Variants in PPL observed in about 807,000 individuals in gnomAD.
The protein encoded by PPL is periplakin.
Under a neutral mutation model 194.4 loss-of-function variants are expected in PPL, and 198 were observed. The observed-to-expected ratio is 1.02, with a 90% CI of 0.91 to 1.15. PPL has a LOEUF of 1.15. Ranked by LOEUF, PPL falls within the 50% of genes most tolerant of loss-of-function variation. The pLI, the probability that PPL is intolerant of heterozygous loss-of-function variation, is 0.00. For missense variants in PPL, 2,885 were observed against 2,294.8 expected, an observed-to-expected ratio of 1.26 and a Z score of -5.25; for synonymous variants, 1,220 against 972.4, an observed-to-expected ratio of 1.25 and a Z score of -4.74.
chr16:4,918,415 G>A (rs1375533593), intron 1 of PPL, among the ~76,000 whole-genome samples: 1 of 152,084 alleles, frequency 6.6e-6, no homozygotes, highest in East Asian at 1.9e-4. Context: ...TAATCCCCCA[G>A]CAGCCTGGAA....
At position 4,892,123 on chromosome 16, in the gene PPL, C is replaced by T; in HGVS notation, c.1741G>A (p.Gly581Ser). ...EAFIQALPGS[G>S]TTPLLRTRVE... ...CGGGTCCTCAGCAGGGGTGTGGTGC[C>T]ACTGCCTGGGAGGGCCTGGATGAAG... The change falls in exon 15 of 22, where the codon GGC becomes AGC. Residue 581 changes from glycine (G) to serine (S), a missense_variant. Gly to Ser is a moderately conservative substitution (Grantham distance 56). Coordinates refer to ENST00000345988, the MANE Select transcript of PPL (RefSeq NM_002705.5). The T allele has an allele frequency of 6.2e-7, 1 of 1,613,518 alleles. No individual in the cohort carries two copies. Among genetic ancestry groups the T allele is most frequent in the Non-Finnish European group, 8.5e-7 (1 of 1,179,738 alleles).
chr16:4,929,876 T>C (rs990054930), intron 1 of PPL, among the ~76,000 whole-genome samples: 30 of 149,684 alleles, frequency 2.0e-4, no homozygotes, highest in Non-Finnish European at 1.9e-4. Flanking sequence ...TTGGTAGAAA[T>C]AGGGTCTCAC....
intron 1 of PPL, among the ~76,000 whole-genome samples, chr16:4,911,787 C>T (rs1228888557): frequency 6.6e-6 from 1 of 152,192 alleles, no homozygotes; most frequent in Non-Finnish European, 1.5e-5. Flanking sequence ...ATTCGTCCAC[C>T]TTGGACTCCC....
chr16:4,883,355 G>A lies in PPL; in HGVS notation c.*29C>T, dbSNP rs115259132. ...GCGTCGTAGGAGAGGGCCAGCGTCT[G>A]CCGTTACGAAGAGTTGCAAGAGCTG... On this transcript the variant is annotated 3_prime_UTR_variant, in exon 22 of 22. Coordinates refer to ENST00000345988, the MANE Select transcript of PPL (RefSeq NM_002705.5). This position sits in a 1 kb window ranked among gnomAD's most constrained non-coding sequence, Gnocchi z 4.8. The A allele has an allele frequency of 5.8e-5, 93 of 1,611,944 alleles. No homozygotes were observed. In the African/African-American group the frequency reaches 1.1e-3, roughly 19 times the overall value.
At chr16:4,916,270 TG>T (rs1468812045) in intron 1 of PPL, among the ~76,000 whole-genome samples, 3 of 152,108 alleles carry the variant, frequency 2.0e-5, no homozygotes, top group African/African-American at 7.2e-5. Context: ...TGGAGTGCAC[TG>T]GCATGATCTC....
Position 4,892,043 on chromosome 16 carries a change from G to A in PPL, c.1821C>T (p.Ala607=). 1 of 1,613,292 alleles carries A rather than the reference G, an allele frequency of 6.2e-7. No individual in the cohort carries two copies. Among genetic ancestry groups the A allele is most frequent in the Non-Finnish European group, 8.5e-7 (1 of 1,179,730 alleles). ...YEHLLQLLDL[A]QEKVDVANRL... Reference sequence around the variant, plus strand: ...GCCTGTCTGCCACCCACTTCTCCTGGGCCAAGTCCAGCAGCTGCAGGAGGT... The same window carrying A: ...GCCTGTCTGCCACCCACTTCTCCTGAGCCAAGTCCAGCAGCTGCAGGAGGT... Residue 607 remains alanine (A), a synonymous_variant, in exon 15 of 22, where the codon GCC becomes GCT. Coordinates refer to ENST00000345988, the MANE Select transcript of PPL (RefSeq NM_002705.5).
Position 4,891,891 on chromosome 16 carries a change from T to A in PPL, c.1888A>T (p.Thr630Ser), listed in dbSNP as rs763160683. 5 of 1,613,578 alleles carry A rather than the reference T, an allele frequency of 3.1e-6. No individual in the cohort carries two copies. Among genetic ancestry groups the A allele is most frequent in the Non-Finnish European group, 4.2e-6 (5 of 1,179,998 alleles). ...TCCTGATTCAGATGGTTCTCGTGTGTGGCCAGCAACTCCCAGCTCTGCTGC... is the reference window on the plus strand; with the variant it reads ...TCCTGATTCAGATGGTTCTCGTGTGAGGCCAGCAACTCCCAGCTCTGCTGC... ...SLQQSWELLA[T>S]HENHLNQDDT... Residue 630 changes from threonine (T) to serine (S), a missense_variant, in exon 16 of 22, where the codon ACA becomes TCA. Physicochemically the swap from Thr to Ser is moderately conservative, Grantham distance 58. Coordinates refer to ENST00000345988, the MANE Select transcript of PPL (RefSeq NM_002705.5).
At chr16:4,891,397 C>T (rs1372699345) in intron 16 of PPL, 2 of 167,122 alleles carry the variant, frequency 1.2e-5, no homozygotes, top group African/African-American at 4.8e-5. Flanking sequence ...CTCTGCTCAG[C>T]AAGAGATACT....
chr16:4,918,330 A>AG (rs1159962498), intron 1 of PPL, among the ~76,000 whole-genome samples: 2 of 150,442 alleles, frequency 1.3e-5, no homozygotes, highest in African/African-American at 4.9e-5. Flanking sequence ...TAGAAATGAC[A>AG]GGGGTTTGTT....
Position 4,886,002 on chromosome 16 carries a change from G to A in PPL, c.2653C>T (p.Pro885Ser), listed in dbSNP as rs752908859. The A allele has an allele frequency of 9.3e-6, 15 of 1,613,890 alleles. No homozygotes were observed. Among genetic ancestry groups the A allele is most frequent in the Non-Finnish European group, 1.1e-5 (13 of 1,180,038 alleles). Residue 885 changes from proline (P) to serine (S), a missense_variant, in exon 22 of 22, where the codon CCG becomes TCG. By Grantham distance (74) the Pro-to-Ser change is moderately conservative (BLOSUM62 -1). Transcript: ENST00000345988. ...CACGCCTCCTCCACTCCAGAGTCCG[G>A]CCTATTCCTTTGCAGGGTCTCATGG... ...VTHETLQRNR[P>S]DSGVEEAWKI...
chr16:4,888,015 G>A, intron 20 of PPL, 87 bp downstream of exon 20: 1 of 930,922 alleles, frequency 1.1e-6, no homozygotes, highest in Admixed American at 1.8e-5. Context: ...GCATCTCTGA[G>A]GCCAGCGTGT....
chr16:4,897,787 G>A lies in PPL; in HGVS notation c.877-17C>T. The A allele has an allele frequency of 1.2e-6, 2 of 1,608,814 alleles. No homozygotes were observed. The highest frequency in any genetic ancestry group is 1.1e-5 in the South Asian group (1 of 90,806). On this transcript the variant is annotated splice_polypyrimidine_tract_variant and intron_variant, in intron 8 of 21. Coordinates refer to ENST00000345988, the MANE Select transcript of PPL (RefSeq NM_002705.5). ...CATGTGCGCCTGCCAGGAAGAGAAG[G>A]GGCCGGTCACCACTGGGCAGGTACT...
intron 9 of PPL, among the ~76,000 whole-genome samples, chr16:4,897,332 C>CAAA (rs57191109): frequency 1.5e-3 from 79 of 53,324 alleles, no homozygotes; most frequent in East Asian, 5.7e-3. Flanking sequence ...AAGACTCTCT[C>CAAA]AAAAAAAAAA....
intron 1 of PPL, among the ~76,000 whole-genome samples, chr16:4,918,440 C>G (rs970513986): frequency 6.6e-6 from 1 of 152,158 alleles, no homozygotes; most frequent in African/African-American, 2.4e-5. Flanking sequence ...CTAGTTAACT[C>G]CTAGAGAGCT....
At chr16:4,906,513 C>A (rs2088686741) in intron 2 of PPL, among the ~76,000 whole-genome samples, 1 of 152,230 alleles carries the variant, frequency 6.6e-6, no homozygotes, top group Non-Finnish European at 1.5e-5. Flanking sequence ...GCGTGAGCCA[C>A]CGCGCCCGGC....
At chr16:4,890,592 G>C (rs2088300456) in intron 17 of PPL, 136 bp downstream of exon 17, 1 of 1,139,216 alleles carries the variant, frequency 8.8e-7, no homozygotes, top group Middle Eastern at 2.1e-4. Context: ...AGAGACCACA[G>C]GGCCGTCAGA....
At chr16:4,912,868 C>T (rs372194048) in intron 1 of PPL, among the ~76,000 whole-genome samples, 2 of 152,162 alleles carry the variant, frequency 1.3e-5, no homozygotes, top group East Asian at 1.9e-4. Context: ...CTTTGGGAGG[C>T]CAAGGCGGGC....
chr16:4,884,519 A>G lies in PPL; in HGVS notation c.4136T>C (p.Leu1379Pro). The G allele has an allele frequency of 6.2e-7, 1 of 1,610,714 alleles. No homozygotes were observed. Among genetic ancestry groups the G allele is most frequent in the Non-Finnish European group, 8.5e-7 (1 of 1,179,382 alleles). The change falls in exon 22 of 22, where the codon CTG (leucine) becomes CCG (proline). Residue 1379 changes from leucine to proline, a missense_variant. Transcript: ENST00000345988. The surrounding 1 kb of genome is among the most constrained non-coding windows in gnomAD (Gnocchi z 5.7). ...TGCCCGCAGCTTGTCAATCTGCCGC[A>G]GCTCCACATCGATGCTCTCGGCAAA... ...SAFAESIDVE[L>P]RQIDKLRAEL...
chr16:4,889,174 A>T (rs963040872), intron 18 of PPL, 113 bp from the exon 19 acceptor site: 3 of 804,418 alleles, frequency 3.7e-6, no homozygotes, highest in Non-Finnish European at 6.3e-6. Flanking sequence ...TCTAGCACAA[A>T]GTATGATGAA....
Sources: gnomAD v4.1 joint callset for allele counts (sites outside exome capture counted in the v4.1 genomes callset) on GRCh38, gnomAD v4.1.1 for gene constraint, Gnocchi (gnomAD v3.1) non-coding constraint, MANE v1.5 for transcripts, NCBI Gene and HGNC (gene_info 2026-07-23, HGNC 2026-07-21) for gene names.